CHURC1: variants seen among roughly 807,000 people sequenced by gnomAD.
CHURC1 encodes protein Churchill.
A neutral mutation model predicts 15.4 loss-of-function variants in CHURC1; 12 were observed. That is an observed-to-expected ratio of 0.78 (90% CI 0.50 to 1.27). CHURC1 has a LOEUF of 1.27. Among genes scored for constraint, CHURC1 ranks in the 50% most tolerant of loss-of-function variants. The probability of loss-of-function intolerance (pLI) is 0.00; values close to 1 mark genes in which losing one functional copy is unlikely to be tolerated. For synonymous variants in CHURC1, 42 were observed against 47.5 expected, an observed-to-expected ratio of 0.88 and a Z score of 0.48; for missense variants, 132 against 137.8, an observed-to-expected ratio of 0.96 and a Z score of 0.21.
Position 64,933,580 on chromosome 14 carries a change from G to C in CHURC1, c.*1350G>C. The C allele has an allele frequency of 1.0e-6, 1 of 978,304 alleles. No individual in the cohort carries two copies. Among genetic ancestry groups the C allele is most frequent in the Non-Finnish European group, 1.2e-6 (1 of 823,532 alleles). The allele number at this position is 978,304 out of a possible 1,614,324, so 60.6% of individuals were successfully genotyped here. ...GATATAATACATTCATCACAGTATTGTTAGGAGATTTAAATGAATTAGTGA... is the reference window on the plus strand; with the variant it reads ...GATATAATACATTCATCACAGTATTCTTAGGAGATTTAAATGAATTAGTGA... On this transcript the variant is annotated 3_prime_UTR_variant, in exon 4 of 4. Coordinates refer to ENST00000549115, the MANE Select transcript of CHURC1 (RefSeq NM_001386928.1).
chr14:64,923,445 T>G (rs1421590425), intron 1 of CHURC1, among the ~76,000 whole-genome samples: 4 of 152,198 alleles, frequency 2.6e-5, no homozygotes, highest in African/African-American at 9.6e-5. Flanking sequence ...CTTCTCTGCC[T>G]CAATCATGTG....
At chr14:64,927,325 A>G (rs1235759996) in intron 3 of CHURC1, among the ~76,000 whole-genome samples, 1 of 152,198 alleles carries the variant, frequency 6.6e-6, no homozygotes, top group Non-Finnish European at 1.5e-5. Flanking sequence ...GGCAAAATTG[A>G]CATCTTAGTG....
intron 1 of CHURC1, among the ~76,000 whole-genome samples, chr14:64,921,965 A>G (rs1884335999): frequency 6.6e-6 from 1 of 152,240 alleles, no homozygotes; most frequent in Non-Finnish European, 1.5e-5. Context: ...ACCTAGAACA[A>G]CAGTGATGAT....
chr14:64,931,606 G>A (rs565213441), intron 3 of CHURC1, among the ~76,000 whole-genome samples: 3 of 152,068 alleles, frequency 2.0e-5, no homozygotes, highest in African/African-American at 4.8e-5. Context: ...ACCAATCTGG[G>A]CATTTATTAA....
rs1884510219 is a variant in CHURC1 at position 64,924,123 on chromosome 14, G to T, written c.172G>T (p.Asp58Tyr). 6.2e-7 allele frequency: 1 copy of T among 1,605,948 alleles called. No homozygotes were observed. Among genetic ancestry groups the T allele is most frequent in the Non-Finnish European group, 8.5e-7 (1 of 1,176,032 alleles). Residue 58 changes from aspartate (D) to tyrosine (Y), a missense_variant, in exon 2 of 4, where the codon GAT becomes TAT. Asp to Tyr is a radical substitution (Grantham distance 160). Coordinates refer to ENST00000549115, the MANE Select transcript of CHURC1 (RefSeq NM_001386928.1). ...EEDGEEIVTY[D>Y]HLCKNCHHVI... ...AGATGGAGAAGAAATAGTTACCTATGATCGTAAGTAGACTTTATTTTTTAA... is the reference window on the plus strand; with the variant it reads ...AGATGGAGAAGAAATAGTTACCTATTATCGTAAGTAGACTTTATTTTTTAA...
intron 3 of CHURC1, among the ~76,000 whole-genome samples, chr14:64,927,206 G>T (rs1040004223): frequency 6.6e-6 from 1 of 152,046 alleles, no homozygotes; most frequent in Non-Finnish European, 1.5e-5. Context: ...TCAGAGTCTG[G>T]TCTGATATGT....
intron 1 of CHURC1, among the ~76,000 whole-genome samples, chr14:64,917,817 C>T (rs1323696040): frequency 1.3e-5 from 2 of 152,174 alleles, no homozygotes; most frequent in Non-Finnish European, 2.9e-5. Flanking sequence ...GATTTTCAAT[C>T]TAGGCAACTG....
In CHURC1 at chr14:64,924,730, G is replaced by A. The variant is rs536349516; in HGVS notation, c.175+604G>A. Among the ~76,000 whole-genome samples, 20 of 152,152 alleles carry A rather than the reference G, an allele frequency of 1.3e-4. No individual in the cohort carries two copies. In the East Asian group the frequency reaches 3.9e-3, roughly 29 times the overall value. ...AATACTGGGAAACCAAATAAACTAT[G>A]TATAAAAAAATCAATTCTGAGGTTA... is the stretch of plus-strand genomic sequence containing the variant. On this transcript the variant is annotated intron_variant, in intron 2 of 3. Coordinates refer to ENST00000549115, the MANE Select transcript of CHURC1 (RefSeq NM_001386928.1).
rs542542021 is a variant in CHURC1 at position 64,922,318 on chromosome 14, C to G, written c.40-1673C>G. Reference sequence around the variant, plus strand: ...CAAAGGCTGGGCACAGTGGCTCATTCCTGTAATCCCAGCACTTTGGGAGGC... The same window carrying G: ...CAAAGGCTGGGCACAGTGGCTCATTGCTGTAATCCCAGCACTTTGGGAGGC... On this transcript the variant is annotated intron_variant, in intron 1 of 3. Coordinates refer to ENST00000549115, the MANE Select transcript of CHURC1 (RefSeq NM_001386928.1). Among the ~76,000 whole-genome samples, 8 of 152,060 alleles carry G rather than the reference C, an allele frequency of 5.3e-5. No homozygotes were observed. In the South Asian group the frequency reaches 1.2e-3, roughly 24 times the overall value.
intron 3 of CHURC1, among the ~76,000 whole-genome samples, chr14:64,926,575 T>C (rs1884721773): frequency 2.0e-5 from 3 of 152,232 alleles, no homozygotes; most frequent in Admixed American, 1.3e-4. Flanking sequence ...TTGTGGGCTT[T>C]TAAGTGGTGT....
In CHURC1 at chr14:64,933,246, A is replaced by C. The variant is rs961533412; in HGVS notation, c.*1016A>C. On this transcript the variant is annotated 3_prime_UTR_variant, in exon 4 of 4. Coordinates refer to ENST00000549115, the MANE Select transcript of CHURC1 (RefSeq NM_001386928.1). Reference sequence around the variant, plus strand: ...ACAGCCAAGAGGAGCCTGAGAAGACATGACTGCTAGATGTAATGTGGTATC... The same window carrying C: ...ACAGCCAAGAGGAGCCTGAGAAGACCTGACTGCTAGATGTAATGTGGTATC... The C allele has an allele frequency of 5.1e-6, 2 of 393,004 alleles. No homozygotes were observed. Among genetic ancestry groups the C allele is most frequent in the African/African-American group, 4.3e-5 (2 of 46,092 alleles). The allele number at this position is 393,004 out of a possible 1,614,324, so 24.3% of individuals were successfully genotyped here.
At chr14:64,927,326 C>T (rs200106347) in intron 3 of CHURC1, among the ~76,000 whole-genome samples, 9 of 152,142 alleles carry the variant, frequency 5.9e-5, no homozygotes, top group African/African-American at 2.4e-5. Flanking sequence ...GCAAAATTGA[C>T]ATCTTAGTGA....
At chr14:64,932,022 C>G in intron 3 of CHURC1, 116 bp from the exon 4 acceptor site, 1 of 1,302,928 alleles carries the variant, frequency 7.7e-7, no homozygotes. Flanking sequence ...AGAAATTGAT[C>G]CAATGTACAG....
chr14:64,927,990 C>A (rs1188432751), intron 3 of CHURC1, among the ~76,000 whole-genome samples: 1 of 151,996 alleles, frequency 6.6e-6, no homozygotes, highest in African/African-American at 2.4e-5. Context: ...TATCCAAGCT[C>A]CTCATTTCAA....
At chr14:64,917,531 C>T (rs1168976392) in intron 1 of CHURC1, among the ~76,000 whole-genome samples, 1 of 152,180 alleles carries the variant, frequency 6.6e-6, no homozygotes. Context: ...CCACTGCTCT[C>T]CACCATGGGT....
chr14:64,920,067 G>A (rs1377784009), intron 1 of CHURC1, among the ~76,000 whole-genome samples: 2 of 151,862 alleles, frequency 1.3e-5, no homozygotes, highest in African/African-American at 4.8e-5. Flanking sequence ...AACATTCCCT[G>A]GCAAAATATA....
intron 3 of CHURC1, chr14:64,930,697 T>C (rs1251028144): frequency 2.6e-6 from 1 of 381,070 alleles, no homozygotes; most frequent in African/African-American, 2.1e-5. Context: ...TCAGTATAAA[T>C]TTGTCAATGG....
intron 3 of CHURC1, among the ~76,000 whole-genome samples, chr14:64,931,751 G>A (rs979699213): frequency 3.3e-5 from 5 of 152,002 alleles, no homozygotes; most frequent in African/African-American, 1.2e-4. Flanking sequence ...TTTCAGTTTG[G>A]GAATTTTCTC....
intron 3 of CHURC1, among the ~76,000 whole-genome samples, chr14:64,927,822 G>GCTA (rs1884828916): frequency 6.7e-6 from 1 of 150,052 alleles, no homozygotes; most frequent in South Asian, 2.1e-4. Flanking sequence ...TATAGTTCGA[G>GCTA]CTACTCAGGA....
Sources: gnomAD v4.1 joint callset for allele counts (sites outside exome capture counted in the v4.1 genomes callset) on GRCh38, gnomAD v4.1.1 for gene constraint, MANE v1.5 for transcripts, NCBI Gene and HGNC (gene_info 2026-07-23, HGNC 2026-07-21) for gene names.